The following PAM variants were observed in gnomAD, a reference collection of about 807,000 sequenced individuals.
PAM encodes the protein peptidylglycine alpha-amidating monooxygenase.
In PAM, 72 loss-of-function variants were observed where a neutral mutation model predicts 122.1. The ratio of observed to expected loss-of-function variants is 0.59; its 90% CI spans 0.49 to 0.72. The LOEUF (loss-of-function observed/expected upper bound fraction) is 0.72. Among genes scored for constraint, PAM ranks in the 30% least tolerant of loss-of-function variants. The probability of loss-of-function intolerance (pLI) is 0.00; values close to 1 mark genes in which losing one functional copy is unlikely to be tolerated. For missense variants in PAM, 1,106 were observed against 1,183.7 expected (o/e 0.93, Z 0.96); for synonymous variants, 389 against 404.4 (o/e 0.96, Z 0.46).
At chr5:102,987,500 T>G in intron 15 of PAM, 2 of 453,214 alleles carry the variant, frequency 4.4e-6, no homozygotes, top group Non-Finnish European at 8.9e-6. Flanking sequence ...CAACAATATA[T>G]TGTCTATTTC....
intron 13 of PAM, 93 bp downstream of exon 13, chr5:102,960,152 T>C: frequency 1.4e-6 from 1 of 699,832 alleles, no homozygotes; most frequent in South Asian, 2.2e-5. Context: ...ATCATCTTTA[T>C]TCCCTTCTTC....
intron 1 of PAM, among the ~76,000 whole-genome samples, chr5:102,792,151 T>C (rs1227971599): frequency 6.6e-6 from 1 of 152,136 alleles, no homozygotes; most frequent in Non-Finnish European, 1.5e-5. Context: ...TATTTAAACA[T>C]GGTATGTATG....
chr5:102,960,165 C>T (rs534419002), intron 13 of PAM, 106 bp downstream of exon 13: 4 of 644,452 alleles, frequency 6.2e-6, no homozygotes, highest in African/African-American at 3.7e-5. Context: ...CCTTCTTCTA[C>T]CAGTCACATG....
At chr5:103,006,772 A>G in intron 18 of PAM, 29 bp from the exon 19 acceptor site, 1 of 1,511,724 alleles carries the variant, frequency 6.6e-7, no homozygotes, top group Non-Finnish European at 9.2e-7. Flanking sequence ...CATGAAAAGT[A>G]GGTAAGGCTT....
intron 18 of PAM, 34 bp from the exon 19 acceptor site, chr5:103,006,767 A>G (rs559052659): frequency 1.3e-6 from 2 of 1,498,794 alleles, no homozygotes; most frequent in African/African-American, 1.4e-5. Flanking sequence ...ATAACCATGA[A>G]AAGTAGGTAA....
chr5:102,829,103 A>G (rs1774598067), intron 1 of PAM, among the ~76,000 whole-genome samples: 1 of 152,028 alleles, frequency 6.6e-6, no homozygotes, highest in Non-Finnish European at 1.5e-5. Context: ...CACTCAGTAA[A>G]TGGTCATTAA....
At chr5:102,756,127 G>C (rs1448478324) in intron 1 of PAM, among the ~76,000 whole-genome samples, 1 of 152,176 alleles carries the variant, frequency 6.6e-6, no homozygotes, top group Non-Finnish European at 1.5e-5. Context: ...GTAGTTGTGG[G>C]GCTCCCTTGG....
chr5:102,969,087 G>A (rs996175021), intron 14 of PAM, among the ~76,000 whole-genome samples: 5 of 151,928 alleles, frequency 3.3e-5, no homozygotes, highest in Admixed American at 1.3e-4. Context: ...AGTGCCTGTC[G>A]GGGGGTAGGG....
At chr5:102,790,242 T>C (rs1322973869) in intron 1 of PAM, among the ~76,000 whole-genome samples, 4 of 152,048 alleles carry the variant, frequency 2.6e-5, no homozygotes, top group African/African-American at 9.7e-5. Flanking sequence ...CTGTCCGACA[T>C]AGGAGATTAT....
rs1335127830 is a variant in PAM, at chr5:102,920,784, T to C, written c.357-4173T>C. ...AATTTAAGGCTATACAGACTTAACTTGAGGGCATGACAATTTTTTTTTTTT... is the reference window on the plus strand; with the variant it reads ...AATTTAAGGCTATACAGACTTAACTCGAGGGCATGACAATTTTTTTTTTTT... On this transcript the variant is annotated intron_variant, in intron 5 of 25. Transcript: ENST00000438793. 2.0e-5 allele frequency among the ~76,000 whole-genome samples: 3 copies of C among 152,084 alleles called. No individual in the cohort carries two copies. In the East Asian group the frequency reaches 5.8e-4, roughly 29 times the overall value.
intron 3 of PAM, among the ~76,000 whole-genome samples, chr5:102,882,817 T>C (rs527506289): frequency 1.1e-4 from 16 of 152,192 alleles, no homozygotes; most frequent in African/African-American, 3.8e-4. Context: ...AGAAGGGTTT[T>C]TTCAATGTTA....
chr5:102,872,478 C>T lies in PAM; in HGVS notation c.210+5085C>T, dbSNP rs537585210. On this transcript the variant is annotated intron_variant, in intron 3 of 25. Transcript: ENST00000438793. ...TCTCAAATTAACAGTCATTAGAAAA[C>T]GTTAAGTAACGTACTTTAACTTCTT... Among the ~76,000 whole-genome samples, 16 of 152,246 alleles carry T rather than the reference C, an allele frequency of 1.1e-4. No individual in the cohort carries two copies. The South Asian group carries it at 2.9e-3, about 28-fold the overall frequency.
intron 16 of PAM, 97 bp downstream of exon 16, chr5:102,990,498 GT>G: frequency 2.2e-6 from 2 of 909,706 alleles, no homozygotes; most frequent in Non-Finnish European, 3.1e-6. Context: ...AACTATAAAG[GT>G]TTTTTAGAAT....
chr5:103,010,419 C>T (rs950916497), intron 21 of PAM, among the ~76,000 whole-genome samples: 10 of 152,166 alleles, frequency 6.6e-5, no homozygotes, highest in Non-Finnish European at 1.0e-4. Context: ...TTTATTCTAA[C>T]GTGCTTTTTA....
chr5:102,946,908 G>A (rs1757234000), intron 8 of PAM, 23 bp downstream of exon 8: 3 of 1,523,644 alleles, frequency 2.0e-6, no homozygotes, highest in Admixed American at 1.7e-5. Context: ...ATTTTTCCTA[G>A]AGGAGCAGCA....
At chr5:103,014,446 A>C (rs1463409081) in intron 21 of PAM, among the ~76,000 whole-genome samples, 1 of 152,238 alleles carries the variant, frequency 6.6e-6, no homozygotes, top group East Asian at 1.9e-4. Context: ...ACCAAAACAT[A>C]TAAATATATT....
chr5:102,964,752 AT>A (rs1382990694), intron 14 of PAM, among the ~76,000 whole-genome samples: 3 of 149,222 alleles, frequency 2.0e-5, no homozygotes, highest in African/African-American at 7.4e-5. Context: ...TGTAAAGCAC[AT>A]TATTTTAATT....
chr5:102,940,437 T>C (rs1372726926), intron 7 of PAM, among the ~76,000 whole-genome samples: 1 of 148,912 alleles, frequency 6.7e-6, no homozygotes, highest in Admixed American at 6.7e-5. Context: ...TGTATATATA[T>C]ATATAATGCT....
In PAM at chr5:103,024,669, T is replaced by C. The variant is rs1784468483; in HGVS notation, c.2486-462T>C. 2.6e-5 allele frequency among the ~76,000 whole-genome samples: 4 copies of C among 152,120 alleles called. No homozygotes were observed. The South Asian group carries it at 8.3e-4, about 32-fold the overall frequency. ...ACACCCAACAGTTTTATGAAGGAGG[T>C]CCTATTATTACAGTTTTATAGATGA... On this transcript the variant is annotated intron_variant, in intron 23 of 25. Transcript: ENST00000438793.
Sources: allele counts gnomAD v4.1 joint callset (sites outside exome capture counted in the v4.1 genomes callset), GRCh38; gene constraint gnomAD v4.1.1; transcripts MANE v1.5; gene names NCBI Gene and HGNC (gene_info 2026-07-23, HGNC 2026-07-21).